CDH13: variants seen among roughly 807,000 people sequenced by gnomAD.
CDH13 encodes the protein cadherin 13.
In CDH13, 24 loss-of-function variants were observed where a neutral mutation model predicts 63.8. The ratio of observed to expected loss-of-function variants is 0.38; its 90% confidence interval spans 0.27 to 0.53. CDH13 has a LOEUF of 0.53. CDH13 is among the 20% of genes least tolerant of loss of function. The pLI is 0.85. For synonymous variants in CDH13, 503 were observed against 355.3 expected (o/e 1.42, Z -4.67); for missense variants, 1,049 against 903.1 (o/e 1.16, Z -2.07).
intron 7 of CDH13, among the ~76,000 whole-genome samples, chr16:83,496,641 A>C (rs1466883893): frequency 3.9e-5 from 6 of 152,322 alleles, no homozygotes; most frequent in Non-Finnish European, 8.8e-5. Context: ...CAATGGCAAC[A>C]AAAGACAAAA....
At chr16:82,996,999 ATGATAG>A (rs1282708335) in intron 2 of CDH13, among the ~76,000 whole-genome samples, 3,346 of 150,682 alleles carry the variant, frequency 0.022, 114 homozygotes, top group African/African-American at 0.075. Context: ...GGTGATGATG[ATGATAG>A]TGATGGTGAT....
At chr16:83,526,564 A>T (rs897054630) in intron 7 of CDH13, among the ~76,000 whole-genome samples, 1 of 152,204 alleles carries the variant, frequency 6.6e-6, no homozygotes, top group African/African-American at 2.4e-5. Context: ...TCAGATGGTA[A>T]TGCTCGCTTG....
intron 3 of CDH13, among the ~76,000 whole-genome samples, chr16:83,122,257 C>T (rs1417759723): frequency 1.3e-5 from 2 of 152,214 alleles, no homozygotes; most frequent in Admixed American, 1.3e-4. Context: ...CCCCTTTTTA[C>T]CTGTAAGATG....
At chr16:82,810,214 G>T (rs997068030) in intron 1 of CDH13, among the ~76,000 whole-genome samples, 4 of 152,162 alleles carry the variant, frequency 2.6e-5, no homozygotes, top group Admixed American at 6.6e-5. Flanking sequence ...AACGTATCCA[G>T]TTCAACAAAA....
At chr16:83,708,222 C>G (rs1213631512) in intron 10 of CDH13, among the ~76,000 whole-genome samples, 1 of 152,238 alleles carries the variant, frequency 6.6e-6, no homozygotes, top group Non-Finnish European at 1.5e-5. Context: ...TGGCCACATG[C>G]CTTGCAGCAC....
At position 82,812,390 on chromosome 16, in the gene CDH13, C is replaced by G. The variant is rs552511095; in HGVS notation, c.46-45972C>G. Among the ~76,000 whole-genome samples the G allele has an allele frequency of 2.6e-5, 4 of 152,182 alleles. No homozygotes were observed. The East Asian group carries it at 7.8e-4, about 29-fold the overall frequency. ...AGCGAGAAGAGTGGTCAGCAGGAAG[C>G]CTTGAGGAGTTCCAAAATCAGTGGC... On this transcript the variant is annotated intron_variant, in intron 1 of 13. Coordinates refer to ENST00000567109, the MANE Select transcript of CDH13 (RefSeq NM_001257.5).
chr16:83,381,935 C>T (rs988533478), intron 6 of CDH13, among the ~76,000 whole-genome samples: 5 of 152,152 alleles, frequency 3.3e-5, no homozygotes, highest in Admixed American at 1.3e-4. Context: ...TCTGCCTGTG[C>T]ACTCCTTCCC....
intron 1 of CDH13, among the ~76,000 whole-genome samples, chr16:82,817,975 A>C (rs893032062): frequency 1.3e-5 from 2 of 152,180 alleles, no homozygotes; most frequent in Admixed American, 6.5e-5. Flanking sequence ...GTATACACAC[A>C]TACATTTTTA....
intron 5 of CDH13, among the ~76,000 whole-genome samples, chr16:83,328,779 C>T (rs1443625119): frequency 6.6e-6 from 1 of 152,124 alleles, no homozygotes; most frequent in African/African-American, 2.4e-5. Context: ...TACCAACATT[C>T]ACCTAGTAGC....
chr16:83,181,049 T>G, intron 4 of CDH13: 2 of 1,481,410 alleles, frequency 1.4e-6, no homozygotes, highest in Non-Finnish European at 1.8e-6. Flanking sequence ...CAAATCCATT[T>G]TCTCTACAGA....
intron 6 of CDH13, among the ~76,000 whole-genome samples, chr16:83,378,280 A>G (rs2091492880): frequency 6.6e-6 from 1 of 152,136 alleles, no homozygotes; most frequent in South Asian, 2.1e-4. Flanking sequence ...AAACACACAG[A>G]CTAGGAGTGG....
chr16:83,284,103 C>T (rs1479422865), intron 5 of CDH13, among the ~76,000 whole-genome samples: 1 of 152,120 alleles, frequency 6.6e-6, no homozygotes, highest in Non-Finnish European at 1.5e-5. Context: ...TCACAGACAG[C>T]CTTATTAACT....
chr16:83,762,677 T>C (rs1327306735), intron 11 of CDH13, among the ~76,000 whole-genome samples: 1 of 152,206 alleles, frequency 6.6e-6, no homozygotes, highest in Non-Finnish European at 1.5e-5. Context: ...GGCCGCTGCT[T>C]CTTGGCTCAC....
intron 5 of CDH13, among the ~76,000 whole-genome samples, chr16:83,286,536 G>C (rs1055699924): frequency 2.0e-5 from 3 of 151,956 alleles, no homozygotes; most frequent in African/African-American, 7.2e-5. Flanking sequence ...CAGACGGATT[G>C]CCTGAGCTCA....
intron 2 of CDH13, among the ~76,000 whole-genome samples, chr16:82,952,861 A>G (rs1905492208): frequency 6.6e-6 from 1 of 152,150 alleles, no homozygotes; most frequent in South Asian, 2.1e-4. Context: ...CTGATTCCTC[A>G]CTAGTGCTTC....
chr16:83,566,353 G>A (rs1357888729), intron 7 of CDH13, among the ~76,000 whole-genome samples: 1 of 152,150 alleles, frequency 6.6e-6, no homozygotes, highest in Non-Finnish European at 1.5e-5. Flanking sequence ...GGCAGGGGTG[G>A]CCTGCTGGAA....
At chr16:82,718,901 A>G (rs2032574433) in intron 1 of CDH13, among the ~76,000 whole-genome samples, 1 of 152,182 alleles carries the variant, frequency 6.6e-6, no homozygotes, top group East Asian at 1.9e-4. Flanking sequence ...GTCCAGAGTG[A>G]AAGGAGTTGA....
intron 1 of CDH13, among the ~76,000 whole-genome samples, chr16:82,719,901 C>T (rs1794039352): frequency 6.8e-6 from 1 of 147,162 alleles, no homozygotes; most frequent in Non-Finnish European, 1.5e-5. Flanking sequence ...CACTTAACTT[C>T]ATTGCTAGGT....
chr16:82,747,366 G>A (rs1032472475), intron 1 of CDH13, among the ~76,000 whole-genome samples: 1 of 152,112 alleles, frequency 6.6e-6, no homozygotes, highest in Non-Finnish European at 1.5e-5. Context: ...TAAAGTTTGA[G>A]GTGTGTTTAT....
Sources: gnomAD v4.1 joint callset for allele counts (sites outside exome capture counted in the v4.1 genomes callset) on GRCh38, gnomAD v4.1.1 for gene constraint, MANE v1.5 for transcripts, NCBI Gene and HGNC (gene_info 2026-07-23, HGNC 2026-07-21) for gene names.